Variants in AFF3 observed in about 807,000 individuals in gnomAD.
The protein encoded by AFF3 is ALF transcription elongation factor 3.
AFF3 carries 32 observed loss-of-function variants against 129.7 expected under a neutral mutation model. The observed-to-expected ratio is 0.25, with a 90% CI of 0.19 to 0.33. AFF3 has a LOEUF of 0.33. Among genes scored for constraint, AFF3 ranks in the 10% least tolerant of loss-of-function variants. The probability of loss-of-function intolerance (pLI) is 1.00; values close to 1 mark genes in which losing one functional copy is unlikely to be tolerated. For missense variants in AFF3, 1,373 were observed against 1,592.0 expected (o/e 0.86, Z 2.34); for synonymous variants, 644 against 635.4 (o/e 1.01, Z -0.20).
intron 4 of AFF3, among the ~76,000 whole-genome samples, chr2:100,078,509 T>C (rs528968791): frequency 1.3e-5 from 2 of 152,318 alleles, no homozygotes; most frequent in South Asian, 2.1e-4. Context: ...CCCAAGCACA[T>C]ACAATGTCTC....
At chr2:99,916,963 T>C (rs751792327) in intron 7 of AFF3, among the ~76,000 whole-genome samples, 1 of 152,094 alleles carries the variant, frequency 6.6e-6, no homozygotes, top group African/African-American at 2.4e-5. Flanking sequence ...CTCAGAATAT[T>C]TGCACTTTCT....
chr2:99,904,241 C>T (rs1233195407), intron 7 of AFF3, among the ~76,000 whole-genome samples: 1 of 152,092 alleles, frequency 6.6e-6, no homozygotes, highest in African/African-American at 2.4e-5. Flanking sequence ...GCCCAATACA[C>T]AATGCAAAAC....
chr2:99,578,937 C>G (rs371923436), intron 17 of AFF3, among the ~76,000 whole-genome samples: 1 of 152,346 alleles, frequency 6.6e-6, no homozygotes, highest in Admixed American at 6.5e-5. Flanking sequence ...ATCTGCCTTT[C>G]CATCTGGTTC....
At chr2:100,016,271 C>T (rs1449810846) in intron 4 of AFF3, among the ~76,000 whole-genome samples, 2 of 117,652 alleles carry the variant, frequency 1.7e-5, no homozygotes, top group Non-Finnish European at 3.6e-5. Flanking sequence ...GTGGCGGTGG[C>T]AGTGGTAGTG....
rs546068712 is a variant in AFF3 at position 99,766,638 on chromosome 2, C to T, written c.922-14337G>A. 4.1e-4 allele frequency among the ~76,000 whole-genome samples: 63 copies of T among 152,222 alleles called. 1 individual carries two copies. In the Middle Eastern group the frequency reaches 0.01, roughly 25 times the overall value. On this transcript the variant is annotated intron_variant, in intron 8 of 24. Coordinates refer to ENST00000672756, the MANE Select transcript of AFF3 (RefSeq NM_001386135.1). The stretch of plus-strand genomic sequence containing the variant: ...ATTAAAACATTCCCCCCCAAAAGTT[C>T]ATAGATCTTCAAGAAAAGAGAAGTT...
chr2:99,557,904 A>G (rs1675098599), intron 22 of AFF3, among the ~76,000 whole-genome samples: 2 of 152,262 alleles, frequency 1.3e-5, no homozygotes, highest in Admixed American at 1.3e-4. Flanking sequence ...TAGAGACGGC[A>G]TAATTTCTAG....
chr2:100,118,895 C>T (rs1449517962), intron 2 of AFF3, among the ~76,000 whole-genome samples: 1 of 151,952 alleles, frequency 6.6e-6, no homozygotes, highest in Admixed American at 6.6e-5. Context: ...CAGCCTCTGC[C>T]TCCTAGGTTC....
chr2:99,752,378 C>G (rs545694340), intron 8 of AFF3, 77 bp from the exon 9 acceptor site: 4 of 1,255,642 alleles, frequency 3.2e-6, no homozygotes, highest in Non-Finnish European at 4.6e-6. Context: ...AGCAGCTGTA[C>G]AAGTGGGCCT....
At chr2:99,858,513 T>C (rs1199783640) in intron 7 of AFF3, among the ~76,000 whole-genome samples, 1 of 151,890 alleles carries the variant, frequency 6.6e-6, no homozygotes, top group African/African-American at 2.4e-5. Flanking sequence ...ATCTCCCCAC[T>C]GCACTCCAGC....
intron 7 of AFF3, among the ~76,000 whole-genome samples, chr2:99,967,198 T>C (rs1254376365): frequency 6.6e-6 from 1 of 152,026 alleles, no homozygotes; most frequent in East Asian, 1.9e-4. Context: ...GGTACACAGG[T>C]ATTCCCCAAG....
chr2:99,781,387 T>G (rs1290396669), intron 8 of AFF3, among the ~76,000 whole-genome samples: 1 of 152,242 alleles, frequency 6.6e-6, no homozygotes, highest in African/African-American at 2.4e-5. Flanking sequence ...ATCTGTTTAT[T>G]ATCTCCCCTT....
At chr2:100,081,605 C>G (rs899694909) in intron 4 of AFF3, among the ~76,000 whole-genome samples, 2 of 152,132 alleles carry the variant, frequency 1.3e-5, no homozygotes, top group African/African-American at 4.8e-5. Context: ...GTTCTATATT[C>G]ACAGACAAAA....
At chr2:100,052,874 C>T (rs1686461169) in intron 4 of AFF3, among the ~76,000 whole-genome samples, 1 of 152,144 alleles carries the variant, frequency 6.6e-6, no homozygotes, top group South Asian at 2.1e-4. Context: ...AGCATGCGCA[C>T]CTGCAACATG....
intron 7 of AFF3, among the ~76,000 whole-genome samples, chr2:99,971,273 TGCAATA>T: frequency 6.6e-6 from 1 of 152,214 alleles, no homozygotes; most frequent in East Asian, 1.9e-4. Context: ...ACTTGCTGCC[TGCAATA>T]GTTGCCTAAT....
intron 13 of AFF3, among the ~76,000 whole-genome samples, chr2:99,608,756 A>C (rs558029580): frequency 6.6e-6 from 1 of 152,262 alleles, no homozygotes; most frequent in South Asian, 2.1e-4. Flanking sequence ...TTTTCACATG[A>C]AGCCCCAAAT....
At chr2:99,906,934 G>A (rs1164092491) in intron 7 of AFF3, among the ~76,000 whole-genome samples, 1 of 151,756 alleles carries the variant, frequency 6.6e-6, no homozygotes, top group East Asian at 1.9e-4. Flanking sequence ...GCCCATACTG[G>A]TACACCACTG....
chr2:100,111,035 A>G (rs569754430), intron 2 of AFF3, among the ~76,000 whole-genome samples: 1 of 152,292 alleles, frequency 6.6e-6, no homozygotes, highest in South Asian at 2.1e-4. Flanking sequence ...CATCAATTTT[A>G]GGAGCAAAAG....
chr2:99,673,028 A>G (rs1687303254), intron 11 of AFF3, among the ~76,000 whole-genome samples: 1 of 152,098 alleles, frequency 6.6e-6, no homozygotes, highest in Admixed American at 6.5e-5. Context: ...GTACCTGAAA[A>G]TAGCAATAAA....
chr2:99,824,192 C>T (rs1436807177), intron 8 of AFF3, among the ~76,000 whole-genome samples: 2 of 151,868 alleles, frequency 1.3e-5, no homozygotes, highest in Admixed American at 6.6e-5. Flanking sequence ...CTCGGCTCGC[C>T]GCAACCTCCA....
Sources: allele counts gnomAD v4.1 joint callset (sites outside exome capture counted in the v4.1 genomes callset), GRCh38; gene constraint gnomAD v4.1.1; transcripts MANE v1.5; gene names NCBI Gene and HGNC (gene_info 2026-07-23, HGNC 2026-07-21).